Variants in ELL observed in about 807,000 individuals in gnomAD.
The protein encoded by ELL is elongation factor for RNA polymerase II, also known as RNA polymerase II elongation factor ELL.
A neutral mutation model predicts 64.0 loss-of-function variants in ELL; 18 were observed. The observed-to-expected ratio is 0.28, with a 90% CI of 0.19 to 0.42. The LOEUF (loss-of-function observed/expected upper bound fraction) is 0.42, where lower values mean the gene tolerates loss of function less well. Ranked by LOEUF, ELL falls within the 10% of genes least tolerant of loss-of-function variation. ELL has a pLI of 1.00. For synonymous variants in ELL, 399 were observed against 376.2 expected (o/e 1.06, Z -0.70); for missense variants, 797 against 870.4 (o/e 0.92, Z 1.06).
chr19:18,469,350 T>TA, intron 2 of ELL, among the ~76,000 whole-genome samples: 1 of 152,342 alleles, frequency 6.6e-6, no homozygotes, highest in South Asian at 2.1e-4. Flanking sequence ...GGTTAATGGT[T>TA]ACCAGCCCGG....
At chr19:18,498,701 G>GGC (rs1975715829) in intron 1 of ELL, among the ~76,000 whole-genome samples, 1 of 152,140 alleles carries the variant, frequency 6.6e-6, no homozygotes, top group Non-Finnish European at 1.5e-5. Context: ...TCATGCCTGT[G>GGC]GCACTTGGGA....
At chr19:18,463,891 C>T (rs1439122580) in intron 4 of ELL, among the ~76,000 whole-genome samples, 3 of 150,378 alleles carry the variant, frequency 2.0e-5, no homozygotes, top group Admixed American at 2.0e-4. Flanking sequence ...GAGGCTGAGG[C>T]AGGAGAATGG....
Position 18,444,903 on chromosome 19 carries a change from C to T in ELL, c.1750-35G>A, listed in dbSNP as rs113931544. ...AGCACAGTCATGCTCAGGACAGAGCCGCCCTGGGTGCTGCTCCCCGCTGTA... is the reference window on the plus strand; with the variant it reads ...AGCACAGTCATGCTCAGGACAGAGCTGCCCTGGGTGCTGCTCCCCGCTGTA... On this transcript the variant is annotated intron_variant, in intron 11 of 11. Coordinates refer to ENST00000262809, the MANE Select transcript of ELL (RefSeq NM_006532.4). 856 of 1,582,524 alleles carry T rather than the reference C, an allele frequency of 5.4e-4. 3 individuals are homozygous for T. The African/African-American group carries it at 8.9e-3, about 17-fold the overall frequency.
chr19:18,444,508 C>T lies in ELL; in HGVS notation c.*244G>A, dbSNP rs1974367210. The T allele has an allele frequency of 2.2e-6, 1 of 462,618 alleles. No individual in the cohort carries two copies. The highest frequency in any genetic ancestry group is 3.9e-5 in the Admixed American group (1 of 25,766). 28.7% of individuals were successfully genotyped at this position (462,618 alleles called of 1,614,324 possible). A position where few individuals can be genotyped will look rare whatever the true frequency, so the allele number is the denominator to read the frequency against. On this transcript the variant is annotated 3_prime_UTR_variant, in exon 12 of 12. Transcript: ENST00000262809. ...GAGGCTGAACCCCGGAGGCTGCAGC[C>T]AGGGAGGAGGCAGTGGGCTTCCTGG...
chr19:18,505,177 C>T (rs1428103273), intron 1 of ELL, among the ~76,000 whole-genome samples: 2 of 152,152 alleles, frequency 1.3e-5, no homozygotes, highest in Non-Finnish European at 2.9e-5. Context: ...TCCCGTAGCC[C>T]CCACTCCTCT....
At chr19:18,452,823 G>A (rs1004578779) in intron 6 of ELL, among the ~76,000 whole-genome samples, 1 of 152,248 alleles carries the variant, frequency 6.6e-6, no homozygotes, top group African/African-American at 2.4e-5. Context: ...ACAGGGCCCA[G>A]GACTAGGGCA....
At chr19:18,455,463 C>CT (rs1300730321) in intron 6 of ELL, among the ~76,000 whole-genome samples, 1 of 150,544 alleles carries the variant, frequency 6.6e-6, no homozygotes, top group Non-Finnish European at 1.5e-5. Context: ...GCACTCCAGC[C>CT]TGCGTGACAG....
intron 1 of ELL, among the ~76,000 whole-genome samples, chr19:18,479,988 G>C (rs1378665847): frequency 6.6e-6 from 1 of 152,178 alleles, no homozygotes; most frequent in Admixed American, 6.5e-5. Context: ...TCTCCCTGCT[G>C]TCTACTGGGC....
In ELL at chr19:18,451,500, C is replaced by T. The variant is rs932556831; in HGVS notation, c.966+52G>A. The T allele has an allele frequency of 3.5e-5, 49 of 1,395,026 alleles. 1 individual carries two copies. In the Middle Eastern group the frequency reaches 1.7e-3, roughly 48 times the overall value. The allele number at this position is 1,395,026 out of a possible 1,614,324, so 86.4% of individuals were successfully genotyped here. On this transcript the variant is annotated intron_variant, in intron 7 of 11. Transcript: ENST00000262809. ...GGTGACAAGGGTTACTGATGCAGCA[C>T]AGAGTGCCCTGCAGGTGCTTGGGAC...
In ELL at chr19:18,443,193, C is replaced by CCCCGG. The variant is rs761995049; in HGVS notation, c.*1554_*1558dup. 22 of 231,878 alleles carry CCCCGG rather than the reference C, an allele frequency of 9.5e-5. No homozygotes were observed. The highest frequency in any genetic ancestry group is 1.5e-4 in the Non-Finnish European group (17 of 117,168). 14.4% of individuals were successfully genotyped at this position (231,878 alleles called of 1,614,324 possible). A position where few individuals can be genotyped will look rare whatever the true frequency, so the allele number is the denominator to read the frequency against. On this transcript the variant is annotated 3_prime_UTR_variant, in exon 12 of 12. Coordinates refer to ENST00000262809, the MANE Select transcript of ELL (RefSeq NM_006532.4). The stretch of plus-strand genomic sequence containing the variant: ...GCCTCCTGGAGCCTGCTCGGCCCTT[C>CCCCGG]CCCGGCCCGGCCCGGCCCAAAGAGA...
intron 1 of ELL, 74 bp downstream of exon 1, chr19:18,521,847 C>T (rs1056877812): frequency 6.6e-7 from 1 of 1,509,524 alleles, no homozygotes; most frequent in African/African-American, 1.4e-5. Flanking sequence ...GCCCGGACGC[C>T]TCAGTGAGGG....
intron 1 of ELL, among the ~76,000 whole-genome samples, chr19:18,478,634 G>A (rs538667037): frequency 1.3e-5 from 2 of 152,346 alleles, no homozygotes; most frequent in African/African-American, 2.4e-5. Flanking sequence ...TGGTAGGGCC[G>A]CCACAGCTGG....
At position 18,501,995 on chromosome 19, in the gene ELL, A is replaced by G. The variant is rs1349392382; in HGVS notation, c.135+19926T>C. 6.6e-6 allele frequency among the ~76,000 whole-genome samples: 1 copy of G among 152,152 alleles called. No homozygotes were observed. Among genetic ancestry groups the G allele is most frequent in the African/African-American group, 2.4e-5 (1 of 41,420 alleles). ...AGGGTGGTTTGGGGTCAGAAGACAC[A>G]CGATCAGGAACCAGGCGTCACCCCC... On this transcript the variant is annotated intron_variant, in intron 1 of 11. Transcript: ENST00000262809. The surrounding 1 kb of genome is among the most constrained non-coding windows in gnomAD (Gnocchi z 4.5).
rs1974418514 is a variant in ELL, at chr19:18,446,468, G to A, written c.1545C>T (p.Ala515=). 1 of 1,612,072 alleles carries A rather than the reference G, an allele frequency of 6.2e-7. No individual in the cohort carries two copies. The highest frequency in any genetic ancestry group is 1.1e-5 in the South Asian group (1 of 90,846). The part of the protein sequence containing the change: ...ETPDYLLKYA[A]ISSSEQRQSY... ...TCTGGCGCTGCTCCGAAGAGGAGATGGCTGCGTACTTCCTGAAACAGGAGA... is the reference window on the plus strand; with the variant it reads ...TCTGGCGCTGCTCCGAAGAGGAGATAGCTGCGTACTTCCTGAAACAGGAGA... The change falls in exon 10 of 12, where the codon GCC becomes GCT. Residue 515 remains alanine (A), a synonymous_variant. Transcript: ENST00000262809.
At chr19:18,509,029 A>T (rs1408409941) in intron 1 of ELL, among the ~76,000 whole-genome samples, 1 of 152,066 alleles carries the variant, frequency 6.6e-6, no homozygotes, top group Non-Finnish European at 1.5e-5. Flanking sequence ...ACAAAAAGAG[A>T]CCCTGTGAGT....
Position 18,465,543 on chromosome 19 carries a change from C to T in ELL, c.338G>A (p.Ser113Asn). Residue 113 changes from serine (S) to asparagine (N), a missense_variant, in exon 4 of 12, where the codon AGC becomes AAC. Ser to Asn is a conservative substitution (Grantham distance 46, BLOSUM62 1). Coordinates refer to ENST00000262809, the MANE Select transcript of ELL (RefSeq NM_006532.4). ...ACACACCGTGATCTTGTCCTGTATG[C>T]TGCCCAGGCAGTCCAGGTGAACTTC... ...HGEVHLDCLG[S>N]IQDKITVCAT... 4 of 1,604,830 alleles carry T rather than the reference C, an allele frequency of 2.5e-6. No homozygotes were observed. The highest frequency in any genetic ancestry group is 3.4e-6 in the Non-Finnish European group (4 of 1,172,958).
intron 10 of ELL, among the ~76,000 whole-genome samples, chr19:18,445,610 C>T (rs1031212635): frequency 9.9e-5 from 15 of 152,036 alleles, no homozygotes; most frequent in African/African-American, 2.9e-4. Context: ...CCCAAGAACC[C>T]GTGGCTCGCA....
intron 2 of ELL, 28 bp downstream of exon 2, chr19:18,472,807 A>G: frequency 6.2e-7 from 1 of 1,606,238 alleles, no homozygotes; most frequent in Non-Finnish European, 8.5e-7. Flanking sequence ...CAAGATTCCA[A>G]ATATGAATGA....
intron 1 of ELL, among the ~76,000 whole-genome samples, chr19:18,473,593 A>G (rs1019909960): frequency 1.3e-5 from 2 of 152,202 alleles, no homozygotes; most frequent in African/African-American, 4.8e-5. Flanking sequence ...AAAAATATAC[A>G]AAAGAGCTCA....
Sources: gnomAD v4.1 joint callset for allele counts (sites outside exome capture counted in the v4.1 genomes callset) on GRCh38, gnomAD v4.1.1 for gene constraint, Gnocchi (gnomAD v3.1) non-coding constraint, MANE v1.5 for transcripts, NCBI Gene and HGNC (gene_info 2026-07-23, HGNC 2026-07-21) for gene names.